Variants in NRK observed in about 807,000 individuals in gnomAD.
NRK encodes nik-related protein kinase.
NRK carries 67 observed loss-of-function variants against 125.2 expected under a neutral mutation model. The ratio of observed to expected loss-of-function variants is 0.54; its 90% CI spans 0.44 to 0.66. The LOEUF is 0.66. Ranked by LOEUF, NRK falls within the 30% of genes least tolerant of loss-of-function variation. The pLI is 0.00. For missense variants in NRK, 1,224 were observed against 1,192.9 expected (o/e 1.03, Z -0.38); for synonymous variants, 458 against 429.0 (o/e 1.07, Z -0.84).
At chrX:105,953,898 T>G (rs961981984) in intron 28 of NRK, among the ~76,000 whole-genome samples, 3 of 110,791 alleles carry the variant, frequency 2.7e-5, no homozygotes, top group African/African-American at 9.8e-5. Context: ...TGAGTTAATA[T>G]CAGAACAGCC....
At chrX:105,842,354 A>G (rs1481776448) in intron 2 of NRK, among the ~76,000 whole-genome samples, 2 of 111,478 alleles carry the variant, frequency 1.8e-5, no homozygotes, top group African/African-American at 3.3e-5. Flanking sequence ...CCTGGAAGCC[A>G]TGAGAAGGTA....
chrX:105,947,184 C>T (rs866196588), intron 26 of NRK, among the ~76,000 whole-genome samples: 3 of 57,684 alleles, frequency 5.2e-5, no homozygotes, highest in African/African-American at 3.5e-4. Context: ...TGCAACACGC[C>T]TGTAATCCCA....
At chrX:105,873,745 A>G (rs2147698287) in intron 2 of NRK, among the ~76,000 whole-genome samples, 1 of 110,885 alleles carries the variant, frequency 9.0e-6, no homozygotes, top group African/African-American at 3.3e-5. Context: ...ACTGGGCCCA[A>G]CCTCTGCTTC....
intron 13 of NRK, among the ~76,000 whole-genome samples, chrX:105,911,455 T>A (rs928497565): frequency 1.3e-4 from 14 of 111,841 alleles, no homozygotes; most frequent in African/African-American, 4.5e-4. Context: ...CCAATAATAA[T>A]CATTGTAATA....
chrX:105,921,247 C>T (rs1452082515), intron 16 of NRK, among the ~76,000 whole-genome samples: 4 of 104,045 alleles, frequency 3.8e-5, no homozygotes, highest in Non-Finnish European at 5.9e-5. Context: ...AACCAAACAC[C>T]GCATATTCTC....
intron 2 of NRK, among the ~76,000 whole-genome samples, chrX:105,873,717 G>A: frequency 9.0e-6 from 1 of 110,545 alleles, no homozygotes; most frequent in Middle Eastern, 4.7e-3. Flanking sequence ...CATAGCCTTT[G>A]CTCATAATGT....
intron 2 of NRK, among the ~76,000 whole-genome samples, chrX:105,852,469 A>G (rs935803385): frequency 2.7e-5 from 3 of 112,093 alleles, no homozygotes; most frequent in Admixed American, 9.5e-5. Flanking sequence ...CATATAGTTA[A>G]GAGACTGTGT....
intron 2 of NRK, among the ~76,000 whole-genome samples, chrX:105,870,994 A>G (rs1343867050): frequency 8.9e-6 from 1 of 111,788 alleles, no homozygotes; most frequent in Non-Finnish European, 1.9e-5. Context: ...AAGAAAAAAA[A>G]ATGTAGAAGT....
intron 16 of NRK, among the ~76,000 whole-genome samples, chrX:105,918,859 G>A (rs1415984453): frequency 1.8e-5 from 2 of 109,270 alleles, no homozygotes; most frequent in East Asian, 5.8e-4. Flanking sequence ...TAGACCATTT[G>A]ATATTCTCAT....
intron 1 of NRK, among the ~76,000 whole-genome samples, chrX:105,825,863 A>G (rs910194771): frequency 9.1e-6 from 1 of 109,527 alleles, no homozygotes; most frequent in South Asian, 3.8e-4. Flanking sequence ...AATATTTTCT[A>G]TAGGTGAAAA....
chrX:105,826,134 GAT>G (rs1206763073), intron 1 of NRK, among the ~76,000 whole-genome samples: 1 of 88,563 alleles, frequency 1.1e-5, no homozygotes, highest in Non-Finnish European at 2.2e-5. Context: ...TATATGGTAA[GAT>G]ATATATATGA....
intron 2 of NRK, among the ~76,000 whole-genome samples, chrX:105,879,086 T>A (rs2039853570): frequency 9.0e-6 from 1 of 110,809 alleles, no homozygotes; most frequent in Non-Finnish European, 1.9e-5. Context: ...CACTGCAATT[T>A]CTTCTTGTCT....
At chrX:105,826,227 A>G (rs1391874298) in intron 1 of NRK, among the ~76,000 whole-genome samples, 1 of 89,594 alleles carries the variant, frequency 1.1e-5, no homozygotes, top group African/African-American at 4.1e-5. Context: ...ATGTGATAAT[A>G]TATTATCATA....
At chrX:105,944,169 T>A (rs2040783011) in intron 24 of NRK, 128 bp downstream of exon 24, 1 of 406,454 alleles carries the variant, frequency 2.5e-6, no homozygotes, top group Non-Finnish European at 4.2e-6. Context: ...GAAATTTTGT[T>A]GTTAGTTTGC....
chrX:105,924,559 A>T, intron 18 of NRK, 136 bp from the exon 19 acceptor site: 1 of 495,139 alleles, frequency 2.0e-6, no homozygotes, highest in Non-Finnish European at 3.4e-6. Context: ...TCATACCAGT[A>T]GTGTTCACAT....
At chrX:105,907,660 A>G (rs1366180136) in intron 11 of NRK, 2 of 112,359 alleles carry the variant, frequency 1.8e-5, no homozygotes, top group Middle Eastern at 4.6e-3. Context: ...TTCCATTTAT[A>G]TGGAAGTTAC....
chrX:105,871,931 C>G (rs2039753404), intron 2 of NRK, among the ~76,000 whole-genome samples: 1 of 111,428 alleles, frequency 9.0e-6, no homozygotes, highest in Non-Finnish European at 1.9e-5. Context: ...TTCTTCCTCC[C>G]CCATTAACAT....
intron 4 of NRK, among the ~76,000 whole-genome samples, chrX:105,886,990 A>G (rs1177662873): frequency 9.0e-6 from 1 of 111,484 alleles, no homozygotes; most frequent in Non-Finnish European, 1.9e-5. Context: ...AATGCTTAGA[A>G]GAAAACAAGG....
chrX:105,869,533 A>G (rs895315625), intron 2 of NRK, among the ~76,000 whole-genome samples: 1 of 110,982 alleles, frequency 9.0e-6, no homozygotes, highest in African/African-American at 3.3e-5. Context: ...AGTCAACTTC[A>G]GTGCTTCTAA....
Sources: gnomAD v4.1 joint callset for allele counts (sites outside exome capture counted in the v4.1 genomes callset) on GRCh38, gnomAD v4.1.1 for gene constraint, MANE v1.5 for transcripts, NCBI Gene and HGNC (gene_info 2026-07-23, HGNC 2026-07-21) for gene names.